CHD9: variants seen among roughly 807,000 people sequenced by gnomAD.
CHD9 encodes the protein chromodomain helicase DNA binding protein 9, also known as ATP-dependent chromatin remodeler CHD9.
In CHD9, 77 loss-of-function variants were observed where a neutral mutation model predicts 316.1. That is an observed-to-expected ratio of 0.24 (90% confidence interval 0.20 to 0.29). CHD9 has a LOEUF of 0.29. CHD9 is among the 10% of genes least tolerant of loss of function. The pLI is 1.00. For synonymous variants in CHD9, 1,129 were observed against 1,158.3 expected (o/e 0.97, Z 0.51); for missense variants, 2,763 against 3,438.1 (o/e 0.80, Z 4.91).
At chr16:53,108,931 CCT>C (rs767265844) in intron 1 of CHD9, among the ~76,000 whole-genome samples, 63 of 151,738 alleles carry the variant, frequency 4.2e-4, no homozygotes, top group Non-Finnish European at 6.8e-4. Flanking sequence ...AGTAATGAAA[CCT>C]CTGTGTGAAT....
At chr16:53,120,208 GGCAACAGA>G (rs1433278430) in intron 1 of CHD9, among the ~76,000 whole-genome samples, 5 of 151,910 alleles carry the variant, frequency 3.3e-5, no homozygotes. Context: ...CTCTAACCTG[GGCAACAGA>G]GCAAGACCCT....
At chr16:53,232,069 T>C (rs966951604) in intron 10 of CHD9, among the ~76,000 whole-genome samples, 1 of 152,202 alleles carries the variant, frequency 6.6e-6, no homozygotes, top group Admixed American at 6.5e-5. Context: ...AGAGATCATA[T>C]TGTTTTATAA....
chr16:53,177,873 T>C (rs1014789816), intron 2 of CHD9, among the ~76,000 whole-genome samples: 42 of 152,322 alleles, frequency 2.8e-4, no homozygotes, highest in African/African-American at 1.0e-3. Context: ...TATTCTACTC[T>C]ATTCTACTTG....
At chr16:53,240,524 A>G (rs1050863072) in intron 12 of CHD9, among the ~76,000 whole-genome samples, 2 of 152,078 alleles carry the variant, frequency 1.3e-5, no homozygotes, top group African/African-American at 2.4e-5. Context: ...AAAGATAAAG[A>G]TGTCTCCTAT....
chr16:53,125,772 G>A (rs1386552258), intron 1 of CHD9, among the ~76,000 whole-genome samples: 1 of 152,154 alleles, frequency 6.6e-6, no homozygotes, highest in East Asian at 1.9e-4. Context: ...AATGTTCTGA[G>A]CACATTTAAG....
chr16:53,299,952 T>C (rs1187023192), intron 30 of CHD9, among the ~76,000 whole-genome samples: 1 of 152,230 alleles, frequency 6.6e-6, no homozygotes, highest in Non-Finnish European at 1.5e-5. Context: ...CAACCTTTGT[T>C]ACAAGTGTTA....
intron 1 of CHD9, among the ~76,000 whole-genome samples, chr16:53,107,866 G>C (rs528674829): frequency 6.0e-4 from 92 of 152,250 alleles, no homozygotes; most frequent in African/African-American, 2.1e-3. Flanking sequence ...TTTTCTAATG[G>C]AGAGAGAGTA....
At chr16:53,062,703 C>A (rs754396164) in intron 1 of CHD9, among the ~76,000 whole-genome samples, 5 of 152,152 alleles carry the variant, frequency 3.3e-5, no homozygotes, top group Non-Finnish European at 5.9e-5. Flanking sequence ...GATCATGCCA[C>A]TGCACTCCAG....
At chr16:53,115,794 A>T (rs1353486772) in intron 1 of CHD9, among the ~76,000 whole-genome samples, 1 of 152,200 alleles carries the variant, frequency 6.6e-6, no homozygotes, top group Non-Finnish European at 1.5e-5. Flanking sequence ...TAAATATATA[A>T]ACAGGACTGC....
At chr16:53,175,507 T>A (rs1567424639) in intron 2 of CHD9, among the ~76,000 whole-genome samples, 1 of 152,248 alleles carries the variant, frequency 6.6e-6, no homozygotes, top group African/African-American at 2.4e-5. Context: ...TGAGAATAAA[T>A]CTGGTCCCTA....
At chr16:53,112,885 C>T (rs868091485) in intron 1 of CHD9, among the ~76,000 whole-genome samples, 3 of 152,098 alleles carry the variant, frequency 2.0e-5, no homozygotes, top group Non-Finnish European at 2.9e-5. Context: ...TGGTGTCTCA[C>T]GCCTGTAGTT....
chr16:53,055,122 CG>C (rs2031889535), intron 1 of CHD9, 45 bp downstream of exon 1: 1 of 152,376 alleles, frequency 6.6e-6, no homozygotes, highest in African/African-American at 2.4e-5. Context: ...CCTCTGAGGT[CG>C]GGGTGGACAG....
chr16:53,138,274 A>G (rs904301090), intron 1 of CHD9, among the ~76,000 whole-genome samples: 14 of 152,204 alleles, frequency 9.2e-5, no homozygotes, highest in African/African-American at 3.4e-4. Flanking sequence ...TAAGAAAAAA[A>G]TGTTAAATAA....
At chr16:53,137,795 C>T (rs2039831185) in intron 1 of CHD9, among the ~76,000 whole-genome samples, 1 of 152,068 alleles carries the variant, frequency 6.6e-6, no homozygotes, top group Non-Finnish European at 1.5e-5. Flanking sequence ...GTTTTATGTT[C>T]TTGAAGATAA....
intron 37 of CHD9, 103 bp from the exon 38 acceptor site, chr16:53,321,423 A>G (rs1334309118): frequency 5.0e-6 from 7 of 1,395,976 alleles, no homozygotes; most frequent in Non-Finnish European, 6.5e-6. Context: ...GGTTCAAAAA[A>G]TATGTATTTT....
chr16:53,126,236 A>G (rs1279796148), intron 1 of CHD9, among the ~76,000 whole-genome samples: 1 of 152,162 alleles, frequency 6.6e-6, no homozygotes, highest in African/African-American at 2.4e-5. Flanking sequence ...GGTGTGAGGT[A>G]GTGGTCCAAC....
chr16:53,256,755 A>G (rs1429221416), intron 19 of CHD9, among the ~76,000 whole-genome samples: 3 of 151,858 alleles, frequency 2.0e-5, no homozygotes, highest in African/African-American at 7.3e-5. Context: ...GCAGAAAACT[A>G]CATACAAGTT....
chr16:53,261,755 A>C (rs1027671398), intron 19 of CHD9, among the ~76,000 whole-genome samples: 1 of 152,178 alleles, frequency 6.6e-6, no homozygotes, highest in Non-Finnish European at 1.5e-5. Context: ...TTGTTTCATC[A>C]CCACCTCCCA....
At chr16:53,247,677 G>C (rs1421955375) in intron 16 of CHD9, 174 bp downstream of exon 16, 7 of 570,876 alleles carry the variant, frequency 1.2e-5, no homozygotes, top group African/African-American at 3.8e-5. Context: ...TTCCTAACCT[G>C]CATATGTTGC....
Sources: gnomAD v4.1 joint callset for allele counts (sites outside exome capture counted in the v4.1 genomes callset) on GRCh38, gnomAD v4.1.1 for gene constraint, MANE v1.5 for transcripts, NCBI Gene and HGNC (gene_info 2026-07-23, HGNC 2026-07-21) for gene names.